SLC5A1: variants seen among roughly 807,000 people sequenced by gnomAD.
The protein encoded by SLC5A1 is solute carrier family 5 member 1, also known as sodium/glucose cotransporter 1.
A neutral mutation model predicts 73.5 loss-of-function variants in SLC5A1; 42 were observed. The ratio of observed to expected loss-of-function variants is 0.57; its 90% confidence interval spans 0.45 to 0.74. The LOEUF (loss-of-function observed/expected upper bound fraction) is 0.74, where lower values mean the gene tolerates loss of function less well. Among genes scored for constraint, SLC5A1 ranks in the 30% least tolerant of loss-of-function variants. The pLI is 0.00. For missense variants in SLC5A1, 634 were observed against 855.4 expected, an observed-to-expected ratio of 0.74 and a Z score of 3.23; for synonymous variants, 300 against 317.4, an observed-to-expected ratio of 0.95 and a Z score of 0.58.
At chr22:32,095,362 G>A (rs1185970771) in intron 11 of SLC5A1, among the ~76,000 whole-genome samples, 2 of 152,282 alleles carry the variant, frequency 1.3e-5, no homozygotes, top group Admixed American at 1.3e-4. Flanking sequence ...AAGTCCATTT[G>A]TTCCAGGGTA....
intron 14 of SLC5A1, among the ~76,000 whole-genome samples, chr22:32,109,055 C>T (rs1236775464): frequency 6.6e-6 from 1 of 152,150 alleles, no homozygotes; most frequent in African/African-American, 2.4e-5. Context: ...TTAGTCCCAG[C>T]TTAGCTACTA....
chr22:32,105,547 G>A (rs1427197868), intron 14 of SLC5A1, among the ~76,000 whole-genome samples: 1 of 151,948 alleles, frequency 6.6e-6, no homozygotes, highest in Non-Finnish European at 1.5e-5. Flanking sequence ...TGCCCGCCTT[G>A]GCCTCCCAAA....
intron 6 of SLC5A1, among the ~76,000 whole-genome samples, chr22:32,082,852 G>A (rs547266602): frequency 6.6e-6 from 1 of 152,328 alleles, no homozygotes; most frequent in South Asian, 2.1e-4. Context: ...CTCAAGTAGG[G>A]AGAAACATTC....
At chr22:32,101,354 G>A (rs2149497328) in intron 12 of SLC5A1, among the ~76,000 whole-genome samples, 1 of 152,024 alleles carries the variant, frequency 6.6e-6, no homozygotes, top group East Asian at 1.9e-4. Flanking sequence ...AAAAAACCCT[G>A]AAAAATCATC....
intron 4 of SLC5A1, 140 bp downstream of exon 4, chr22:32,068,166 C>G (rs2149488100): frequency 1.1e-6 from 1 of 880,102 alleles, no homozygotes; most frequent in South Asian, 1.3e-5. Flanking sequence ...TTATGAAATT[C>G]CCGACTGTCT....
chr22:32,103,276 T>C (rs2094039601), intron 13 of SLC5A1, among the ~76,000 whole-genome samples: 1 of 152,218 alleles, frequency 6.6e-6, no homozygotes, highest in Non-Finnish European at 1.5e-5. Flanking sequence ...TGGGGTGAGA[T>C]GATATCTCAT....
chr22:32,044,491 GCT>G, intron 1 of SLC5A1, among the ~76,000 whole-genome samples: 1 of 151,902 alleles, frequency 6.6e-6, no homozygotes, highest in East Asian at 1.9e-4. Flanking sequence ...TGGACACAGA[GCT>G]TTTTCAGGGA....
intron 1 of SLC5A1, among the ~76,000 whole-genome samples, chr22:32,046,907 T>C (rs1397303800): frequency 6.6e-6 from 1 of 152,266 alleles, no homozygotes; most frequent in Non-Finnish European, 1.5e-5. Flanking sequence ...AAGTGGTGTC[T>C]GGAACTTTAA....
intron 12 of SLC5A1, 75 bp from the exon 13 acceptor site, chr22:32,101,946 GC>G: frequency 1.8e-6 from 2 of 1,140,930 alleles, no homozygotes; most frequent in Non-Finnish European, 2.6e-6. Flanking sequence ...CTCTGCCTAT[GC>G]CTCTCCAAAG....
At position 32,091,749 on chromosome 22, in the gene SLC5A1, A is replaced by G. The variant is rs773967126; in HGVS notation, c.1267A>G (p.Met423Val). ...CAAGAGAGCATCTGAGAAAGAGCTC[A>G]TGATTGCCGGAAGGTAAATGCAGCT... ...VRKRASEKEL[M>V]IAGRLFILVL... Residue 423 changes from methionine (M) to valine (V), a missense_variant, in exon 11 of 15, where the codon ATG becomes GTG. Physicochemically the swap from Met to Val is conservative, Grantham distance 21. Around this residue, in one of 3 missense-constraint regions of SLC5A1, gnomAD observed 422 missense variants for 626.1 expected, o/e 0.67. Transcript: ENST00000266088. 1.6e-5 allele frequency: 26 copies of G among 1,613,952 alleles called. No individual in the cohort carries two copies. The highest frequency in any genetic ancestry group is 1.9e-5 in the Non-Finnish European group (23 of 1,179,934).
intron 10 of SLC5A1, among the ~76,000 whole-genome samples, chr22:32,088,989 A>G (rs2094012575): frequency 6.6e-6 from 1 of 152,196 alleles, no homozygotes; most frequent in Non-Finnish European, 1.5e-5. Context: ...TTTTGCCTAG[A>G]CCACTGTAAA....
At chr22:32,098,083 A>G (rs1375132993) in intron 11 of SLC5A1, among the ~76,000 whole-genome samples, 1 of 152,222 alleles carries the variant, frequency 6.6e-6, no homozygotes, top group Non-Finnish European at 1.5e-5. Context: ...CAGAATTCTT[A>G]TACATAGCTG....
At chr22:32,105,207 A>G (rs919717789) in intron 14 of SLC5A1, among the ~76,000 whole-genome samples, 1 of 152,174 alleles carries the variant, frequency 6.6e-6, no homozygotes, top group Non-Finnish European at 1.5e-5. Flanking sequence ...CATGCCTGCA[A>G]GCAAGCACAT....
chr22:32,106,195 T>C (rs1603146456), intron 14 of SLC5A1, among the ~76,000 whole-genome samples: 1 of 152,352 alleles, frequency 6.6e-6, no homozygotes, highest in Middle Eastern at 3.4e-3. Flanking sequence ...TAACTTTCAT[T>C]CCCACCAACA....
intron 14 of SLC5A1, among the ~76,000 whole-genome samples, chr22:32,106,771 G>A (rs976760080): frequency 2.0e-5 from 3 of 152,180 alleles, no homozygotes; most frequent in Non-Finnish European, 4.4e-5. Flanking sequence ...ACGTGCACAC[G>A]TGGAGGATGG....
intron 3 of SLC5A1, among the ~76,000 whole-genome samples, chr22:32,067,367 A>C (rs1217420755): frequency 2.1e-5 from 3 of 141,420 alleles, no homozygotes; most frequent in Non-Finnish European, 3.3e-5. Flanking sequence ...TTTTTTAAAA[A>C]AATTTTTATT....
intron 10 of SLC5A1, among the ~76,000 whole-genome samples, chr22:32,091,194 GC>G (rs2094016648): frequency 6.6e-6 from 1 of 151,906 alleles, no homozygotes; most frequent in East Asian, 1.9e-4. Flanking sequence ...TTTCTTGAGA[GC>G]CCCATCTTTT....
chr22:32,068,482 C>T lies in SLC5A1; in HGVS notation c.373-14C>T, dbSNP rs200228216. ...CACTGTGGCTGGCAGTGACCTCCCTCGCACCCCATGCAGGTGGTGACAATG... is the reference window on the plus strand; with the variant it reads ...CACTGTGGCTGGCAGTGACCTCCCTTGCACCCCATGCAGGTGGTGACAATG... On this transcript the variant is annotated splice_polypyrimidine_tract_variant and intron_variant, in intron 4 of 14. Transcript: ENST00000266088. 13 of 1,578,792 alleles carry T rather than the reference C, an allele frequency of 8.2e-6. No individual in the cohort carries two copies. The highest frequency in any genetic ancestry group is 2.2e-5 in the East Asian group (1 of 44,730).
intron 2 of SLC5A1, chr22:32,059,226 G>C (rs2093956507): frequency 1.0e-6 from 1 of 985,220 alleles, no homozygotes; most frequent in South Asian, 4.7e-5. Flanking sequence ...AAAAGACTCT[G>C]TCCCAAAAGT....
Sources: allele counts gnomAD v4.1 joint callset (sites outside exome capture counted in the v4.1 genomes callset), GRCh38; gene constraint gnomAD v4.1.1; regional missense constraint gnomAD v4.1.1; transcripts MANE v1.5; gene names NCBI Gene and HGNC (gene_info 2026-07-23, HGNC 2026-07-21).